Variants in PACRG observed in about 807,000 individuals in gnomAD.
PACRG encodes the protein parkin coregulated, also known as parkin coregulated gene protein.
Under a neutral mutation model 29.7 loss-of-function variants are expected in PACRG, and 29 were observed. The observed-to-expected ratio is 0.98, with a 90% CI of 0.73 to 1.33. The LOEUF (loss-of-function observed/expected upper bound fraction) is 1.33, where lower values mean the gene tolerates loss of function less well. Ranked by LOEUF, PACRG falls within the 40% of genes most tolerant of loss-of-function variation. The pLI, the probability that PACRG is intolerant of heterozygous loss-of-function variation, is 0.00. For missense variants in PACRG, 279 were observed against 316.2 expected, an observed-to-expected ratio of 0.88 and a Z score of 0.89; for synonymous variants, 116 against 118.7, an observed-to-expected ratio of 0.98 and a Z score of 0.15.
At chr6:162,882,255 A>AG (rs1322278565) in intron 2 of PACRG, among the ~76,000 whole-genome samples, 1 of 138,760 alleles carries the variant, frequency 7.2e-6, no homozygotes, top group Non-Finnish European at 1.6e-5. Flanking sequence ...ATACAGATCC[A>AG]GGGGGCTCTC....
At chr6:163,246,722 T>C (rs183396781) in intron 4 of PACRG, among the ~76,000 whole-genome samples, 4 of 152,328 alleles carry the variant, frequency 2.6e-5, no homozygotes, top group African/African-American at 4.8e-5. Flanking sequence ...CATTTACACA[T>C]ATTTATTTTT....
chr6:162,795,214 T>G, intron 1 of PACRG, among the ~76,000 whole-genome samples: 1 of 148,752 alleles, frequency 6.7e-6, no homozygotes, highest in African/African-American at 2.5e-5. Flanking sequence ...TGAAAATAGA[T>G]GAGGAGATCA....
chr6:162,974,207 C>T (rs990876269), intron 2 of PACRG, among the ~76,000 whole-genome samples: 4 of 152,114 alleles, frequency 2.6e-5, no homozygotes, highest in Admixed American at 2.0e-4. Context: ...AGATGGAGGG[C>T]GGCTGCCACC....
At chr6:162,792,630 T>C (rs890264507) in intron 1 of PACRG, among the ~76,000 whole-genome samples, 4 of 152,112 alleles carry the variant, frequency 2.6e-5, no homozygotes, top group African/African-American at 9.7e-5. Context: ...CTAGTCCCAG[T>C]GTTATAAAAT....
At chr6:162,909,016 T>C (rs1796120498) in intron 2 of PACRG, among the ~76,000 whole-genome samples, 1 of 152,210 alleles carries the variant, frequency 6.6e-6, no homozygotes. Flanking sequence ...GAGGGCAAGA[T>C]GCAGTACAAA....
At chr6:163,030,310 A>C (rs1807541148) in intron 2 of PACRG, among the ~76,000 whole-genome samples, 1 of 152,200 alleles carries the variant, frequency 6.6e-6, no homozygotes, top group Admixed American at 6.5e-5. Context: ...TATATGAGAA[A>C]TAGATTTCTC....
At chr6:162,838,157 T>C (rs1789405080) in intron 2 of PACRG, among the ~76,000 whole-genome samples, 1 of 152,174 alleles carries the variant, frequency 6.6e-6, no homozygotes, top group African/African-American at 2.4e-5. Context: ...AAGTATTTTT[T>C]CAGGTATAGG....
intron 2 of PACRG, among the ~76,000 whole-genome samples, chr6:163,019,538 G>A (rs1031365665): frequency 1.3e-5 from 2 of 152,056 alleles, no homozygotes; most frequent in Admixed American, 1.3e-4. Context: ...GTCACCACCC[G>A]TGAACTGGAG....
intron 2 of PACRG, among the ~76,000 whole-genome samples, chr6:162,999,097 GA>G (rs901657117): frequency 6.6e-5 from 10 of 151,618 alleles, no homozygotes; most frequent in African/African-American, 1.5e-4. Flanking sequence ...GAAAGAATAT[GA>G]AAAAAAAGTG....
chr6:162,873,818 C>G (rs1262846038), intron 2 of PACRG, among the ~76,000 whole-genome samples: 1 of 152,168 alleles, frequency 6.6e-6, no homozygotes, highest in Non-Finnish European at 1.5e-5. Flanking sequence ...TACCCTGACA[C>G]TAGGCATGAA....
intron 4 of PACRG, among the ~76,000 whole-genome samples, chr6:163,149,749 C>A (rs1456365188): frequency 6.6e-6 from 1 of 152,166 alleles, no homozygotes; most frequent in Non-Finnish European, 1.5e-5. Context: ...GACCCCGGGC[C>A]AGCCTGGAGT....
chr6:162,924,780 C>A (rs1797310870), intron 2 of PACRG, among the ~76,000 whole-genome samples: 1 of 151,862 alleles, frequency 6.6e-6, no homozygotes, highest in Non-Finnish European at 1.5e-5. Flanking sequence ...CAAACAAATC[C>A]AAAAGCTAGC....
At chr6:163,101,053 T>C in intron 4 of PACRG, 1 of 982,418 alleles carries the variant, frequency 1.0e-6, no homozygotes, top group African/African-American at 1.7e-5. Context: ...TGAGCATATT[T>C]ATATTCATTT....
intron 2 of PACRG, among the ~76,000 whole-genome samples, chr6:162,874,289 T>A (rs1051395514): frequency 2.0e-5 from 3 of 152,062 alleles, no homozygotes; most frequent in Non-Finnish European, 4.4e-5. Context: ...CAAACTATTT[T>A]AATCTTTCCC....
intron 4 of PACRG, among the ~76,000 whole-genome samples, chr6:163,108,137 C>G (rs536392): frequency 0.43 from 65,905 of 151,820 alleles, 14,732 homozygotes; most frequent in African/African-American, 0.55. Flanking sequence ...GAGGAGGGGC[C>G]AGGTGGGAGG....
intron 2 of PACRG, among the ~76,000 whole-genome samples, chr6:162,986,712 G>A (rs1802923290): frequency 6.6e-6 from 1 of 152,066 alleles, no homozygotes; most frequent in Non-Finnish European, 1.5e-5. Flanking sequence ...AATTAGATAG[G>A]ACTTTATTTT....
At chr6:162,950,489 C>T (rs1482935555) in intron 2 of PACRG, among the ~76,000 whole-genome samples, 4 of 148,652 alleles carry the variant, frequency 2.7e-5, no homozygotes, top group Non-Finnish European at 5.9e-5. Flanking sequence ...GCCTGGGCTA[C>T]AGAGCAAGAC....
At chr6:162,816,263 G>A (rs182347013) in intron 2 of PACRG, among the ~76,000 whole-genome samples, 25 of 152,232 alleles carry the variant, frequency 1.6e-4, no homozygotes, top group Admixed American at 9.1e-4. Flanking sequence ...ATCTTATTCC[G>A]GAAGCTGTGG....
intron 1 of PACRG, among the ~76,000 whole-genome samples, chr6:162,788,841 A>G (rs1301699077): frequency 6.6e-6 from 1 of 152,174 alleles, no homozygotes; most frequent in Non-Finnish European, 1.5e-5. Flanking sequence ...GACCATTTCA[A>G]AATAAGGTTG....
Sources: allele counts gnomAD v4.1 joint callset (sites outside exome capture counted in the v4.1 genomes callset), GRCh38; gene constraint gnomAD v4.1.1; transcripts MANE v1.5; gene names NCBI Gene and HGNC (gene_info 2026-07-23, HGNC 2026-07-21).